TBC1D8: variants seen among roughly 807,000 people sequenced by gnomAD.
TBC1D8 encodes the protein TBC1 domain family member 8, also known as BUB2-like protein 1.
In TBC1D8, 65 loss-of-function variants were observed where a neutral mutation model predicts 118.8. That is an observed-to-expected ratio of 0.55 (90% CI 0.45 to 0.67). TBC1D8 has a LOEUF of 0.67. Among genes scored for constraint, TBC1D8 ranks in the 30% least tolerant of loss-of-function variants. The pLI is 0.00. For missense variants in TBC1D8, 1,376 were observed against 1,471.2 expected (o/e 0.94, Z 1.06); for synonymous variants, 566 against 595.8 (o/e 0.95, Z 0.73).
chr2:101,122,053 G>A (rs1040950758), intron 1 of TBC1D8, among the ~76,000 whole-genome samples: 4 of 151,122 alleles, frequency 2.6e-5, no homozygotes, highest in East Asian at 2.0e-4. Flanking sequence ...GCATCGCAGT[G>A]AGACTCCATT....
chr2:101,067,248 T>C (rs903988779), intron 2 of TBC1D8, among the ~76,000 whole-genome samples: 1 of 152,218 alleles, frequency 6.6e-6, no homozygotes, highest in Non-Finnish European at 1.5e-5. Context: ...CGTACAGCCA[T>C]GACAAGGTAC....
At chr2:101,055,465 C>T (rs952967036) in intron 3 of TBC1D8, among the ~76,000 whole-genome samples, 1 of 152,088 alleles carries the variant, frequency 6.6e-6, no homozygotes, top group East Asian at 1.9e-4. Context: ...AAGGCTACTA[C>T]CTGCCTGACT....
chr2:101,089,914 T>G, intron 2 of TBC1D8, among the ~76,000 whole-genome samples: 1 of 141,048 alleles, frequency 7.1e-6, no homozygotes, highest in African/African-American at 2.6e-5. Flanking sequence ...TTATGTGCTT[T>G]CGATGGTTTT....
chr2:101,018,567 A>G (rs1479094339), intron 17 of TBC1D8, among the ~76,000 whole-genome samples: 1 of 152,218 alleles, frequency 6.6e-6, no homozygotes, highest in African/African-American at 2.4e-5. Context: ...TTATTAATCA[A>G]CATTTTAAGG....
chr2:101,101,728 T>C (rs1676850570), intron 1 of TBC1D8, among the ~76,000 whole-genome samples: 1 of 152,122 alleles, frequency 6.6e-6, no homozygotes, highest in African/African-American at 2.4e-5. Flanking sequence ...TAAAAAGGAA[T>C]GAGATCATGT....
At chr2:101,139,607 C>T (rs1383279710) in intron 1 of TBC1D8, among the ~76,000 whole-genome samples, 1 of 152,194 alleles carries the variant, frequency 6.6e-6, no homozygotes, top group African/African-American at 2.4e-5. Flanking sequence ...TCTGCCCTTT[C>T]CTCCTCTACA....
At chr2:101,077,582 G>A (rs1449077245) in intron 2 of TBC1D8, among the ~76,000 whole-genome samples, 1 of 152,112 alleles carries the variant, frequency 6.6e-6, no homozygotes, top group Non-Finnish European at 1.5e-5. Context: ...GATCTCGTAA[G>A]AATTCACTCA....
intron 1 of TBC1D8, among the ~76,000 whole-genome samples, chr2:101,143,115 T>G (rs956627002): frequency 8.8e-5 from 13 of 148,100 alleles, no homozygotes; most frequent in Admixed American, 6.9e-4. Flanking sequence ...CAGAGTGGAG[T>G]GCAATGGCGA....
At chr2:101,054,657 ATTTTC>A (rs1250439389) in intron 3 of TBC1D8, among the ~76,000 whole-genome samples, 4,270 of 46,006 alleles carry the variant, frequency 0.093, 258 homozygotes, top group African/African-American at 0.15. Context: ...ACAAACAATC[ATTTTC>A]TTTTCTTTTC....
At chr2:101,048,750 A>G (rs892483779) in intron 5 of TBC1D8, among the ~76,000 whole-genome samples, 2 of 152,170 alleles carry the variant, frequency 1.3e-5, no homozygotes, top group Non-Finnish European at 2.9e-5. Context: ...TAAAAAAAAA[A>G]AAAACACTAT....
At chr2:101,089,840 G>A (rs1195532057) in intron 2 of TBC1D8, among the ~76,000 whole-genome samples, 2 of 150,796 alleles carry the variant, frequency 1.3e-5, no homozygotes, top group African/African-American at 2.4e-5. Flanking sequence ...CAATATACGA[G>A]CACCATGAAA....
intron 1 of TBC1D8, among the ~76,000 whole-genome samples, chr2:101,145,810 A>G (rs1313216669): frequency 1.3e-5 from 2 of 152,164 alleles, no homozygotes; most frequent in Admixed American, 6.5e-5. Flanking sequence ...CAAATCCTAT[A>G]AAAACACCTT....
intron 1 of TBC1D8, among the ~76,000 whole-genome samples, chr2:101,107,553 A>AAATTCACAC (rs1297214043): frequency 2.0e-5 from 3 of 152,222 alleles, no homozygotes; most frequent in Non-Finnish European, 4.4e-5. Context: ...ACACAAGAGT[A>AAATTCACAC]AATTCACACA....
At chr2:101,112,441 G>T in intron 1 of TBC1D8, among the ~76,000 whole-genome samples, 1 of 152,196 alleles carries the variant, frequency 6.6e-6, no homozygotes, top group East Asian at 1.9e-4. Context: ...AAAATGAAAG[G>T]CCAGGGCCAT....
intron 15 of TBC1D8, among the ~76,000 whole-genome samples, chr2:101,026,499 C>T (rs770872225): frequency 1.3e-4 from 20 of 152,188 alleles, no homozygotes; most frequent in African/African-American, 4.6e-4. Context: ...TCACTGACTG[C>T]GGGGAAAGGC....
At chr2:101,019,977 CAGG>C (rs1351549779) in intron 17 of TBC1D8, among the ~76,000 whole-genome samples, 1 of 150,354 alleles carries the variant, frequency 6.7e-6, no homozygotes, top group Non-Finnish European at 1.5e-5. Context: ...GAGGCTGAGG[CAGG>C]AGAATGGTGT....
intron 1 of TBC1D8, among the ~76,000 whole-genome samples, chr2:101,146,397 T>C (rs751071621): frequency 6.6e-6 from 1 of 152,222 alleles, no homozygotes; most frequent in Non-Finnish European, 1.5e-5. Context: ...GGACTTAAGG[T>C]AACCATGTTG....
chr2:101,109,954 T>G, intron 1 of TBC1D8: 2 of 985,472 alleles, frequency 2.0e-6, no homozygotes, highest in Non-Finnish European at 2.4e-6. Flanking sequence ...ACCTCGTGCA[T>G]CCTGCTTTCC....
At chr2:101,132,882 G>A (rs1678655159) in intron 1 of TBC1D8, among the ~76,000 whole-genome samples, 1 of 151,912 alleles carries the variant, frequency 6.6e-6, no homozygotes, top group African/African-American at 2.4e-5. Flanking sequence ...TTACAGGCGT[G>A]AGCCACTGTT....
Sources: allele counts gnomAD v4.1 joint callset (sites outside exome capture counted in the v4.1 genomes callset), GRCh38; gene constraint gnomAD v4.1.1; transcripts MANE v1.5; gene names NCBI Gene and HGNC (gene_info 2026-07-23, HGNC 2026-07-21).